Variants in TPM2 observed in about 807,000 individuals in gnomAD.
TPM2 encodes the protein tropomyosin 2.
In TPM2, 26 loss-of-function variants were observed where a neutral mutation model predicts 41.0. The observed-to-expected ratio is 0.63, with a 90% CI of 0.46 to 0.88. TPM2 has a LOEUF of 0.88. Ranked by LOEUF, TPM2 falls within the 40% of genes least tolerant of loss-of-function variation. The pLI, the probability that TPM2 is intolerant of heterozygous loss-of-function variation, is 0.00. For synonymous variants in TPM2, 143 were observed against 139.3 expected, an observed-to-expected ratio of 1.03 and a Z score of -0.19; for missense variants, 187 against 355.2, an observed-to-expected ratio of 0.53 and a Z score of 3.81.
At chr9:35,682,095 G>A (rs746179762), downstream of TPM2, 7 of 1,614,086 alleles carry the variant, frequency 4.3e-6, no homozygotes, top group African/African-American at 1.3e-5. Context: ...AGGTTGTTGA[G>A]TTCCAGCAGG....
chr9:35,683,544 G>C (rs967801334), intron 8 of TPM2, among the ~76,000 whole-genome samples: 19 of 152,230 alleles, frequency 1.2e-4, no homozygotes, highest in African/African-American at 4.6e-4. Context: ...GCTTAGAGGG[G>C]AGAGGGAGGG....
At chr9:35,682,322 T>A, downstream of TPM2, 1 of 966,300 alleles carries the variant, frequency 1.0e-6, no homozygotes, top group Non-Finnish European at 1.6e-6. Context: ...ACAGATGGAC[T>A]GACTAGGATG....
intron 6 of TPM2, 41 bp from the exon 7 acceptor site, chr9:35,684,591 C>T: frequency 6.2e-7 from 1 of 1,613,838 alleles, no homozygotes; most frequent in Non-Finnish European, 8.5e-7. Context: ...AGCGCTACCA[C>T]AGATCCTTCA....
At chr9:35,683,982 CT>C (rs1824725104) in intron 8 of TPM2, 1 of 488,330 alleles carries the variant, frequency 2.0e-6, no homozygotes, top group South Asian at 2.1e-5. Flanking sequence ...TCAGCAATCT[CT>C]TTGGGGCAGA....
intron 2 of TPM2, among the ~76,000 whole-genome samples, chr9:35,686,025 T>G (rs1012853793): frequency 6.6e-6 from 1 of 151,940 alleles, no homozygotes; most frequent in South Asian, 2.1e-4. Flanking sequence ...CCGAGGCGGG[T>G]GGATCACCTG....
downstream of TPM2, chr9:35,682,704 G>A (rs1182205348): frequency 4.6e-6 from 6 of 1,313,670 alleles, no homozygotes; most frequent in African/African-American, 7.5e-5. Context: ...GGCACCAGAG[G>A]CGGTCATGGT....
In TPM2 at chr9:35,685,427, C is replaced by T. The variant is rs758806942; in HGVS notation, c.492+7G>A. 3 of 1,614,222 alleles carry T rather than the reference C, an allele frequency of 1.9e-6. No homozygotes were observed. Among genetic ancestry groups the T allele is most frequent in the Non-Finnish European group, 2.5e-6 (3 of 1,180,030 alleles). On this transcript the variant is annotated splice_region_variant and intron_variant, in intron 4 of 8. Coordinates refer to ENST00000645482, the MANE Select transcript of TPM2 (RefSeq NM_003289.4). The surrounding 1 kb of genome is among the most constrained non-coding windows in gnomAD (Gnocchi z 5.0). The stretch of plus-strand genomic sequence containing the variant: ...GCAGCGAGCAGGCAGAGGGGCAAGG[C>T]TGTCACCTCTTCATATTTGCGGTCT...
chr9:35,682,313 CAGAT>C (rs1326919194), downstream of TPM2: 12 of 985,652 alleles, frequency 1.2e-5, no homozygotes, highest in African/African-American at 1.6e-5. Flanking sequence ...CAGGGACAAA[CAGAT>C]GGACTGACTA....
intron 2 of TPM2, among the ~76,000 whole-genome samples, chr9:35,687,403 A>T (rs950232167): frequency 6.6e-6 from 1 of 152,194 alleles, no homozygotes; most frequent in African/African-American, 2.4e-5. Flanking sequence ...GTCAAAAACA[A>T]GGACACAGAG....
In TPM2 at chr9:35,689,862, ACGGACTGGGCTGGGTGAG is replaced by A; in HGVS notation, c.-63_-46del. 6.2e-7 allele frequency: 1 copy of A among 1,611,776 alleles called. No homozygotes were observed. Among genetic ancestry groups the A allele is most frequent in the Non-Finnish European group, 8.5e-7 (1 of 1,178,898 alleles). The stretch of plus-strand genomic sequence containing the variant: ...CCGGCCGGCAGGCGGTGAGGACCGG[ACGGACTGGGCTGGGTGAG>A]CGGACTGGGTGCACCGGTGGCAGGC... On this transcript the variant is annotated 5_prime_UTR_variant, in exon 1 of 9. Transcript: ENST00000645482.
intron 8 of TPM2, 58 bp downstream of exon 8, chr9:35,684,188 T>C (rs1427203741): frequency 6.4e-7 from 1 of 1,562,940 alleles, no homozygotes. Flanking sequence ...GATGAGAAGG[T>C]ACAGGACAGA....
At chr9:35,682,159 G>A (rs759366561), downstream of TPM2, 2 of 1,614,044 alleles carry the variant, frequency 1.2e-6, no homozygotes, top group Non-Finnish European at 1.7e-6. Flanking sequence ...CACTGGCCAA[G>A]GTCTCTGTGA....
At chr9:35,689,960 G>A, upstream of TPM2, 2 of 1,546,484 alleles carry the variant, frequency 1.3e-6, no homozygotes, top group South Asian at 1.2e-5. Context: ...CTAAAAGGCG[G>A]GGAGGGACCG....
chr9:35,685,407 G>A lies in TPM2; in HGVS notation c.492+27C>T, dbSNP rs139504762. 194 of 1,614,044 alleles carry A rather than the reference G, an allele frequency of 1.2e-4. 1 individual carries two copies. The highest frequency in any genetic ancestry group is 1.5e-4 in the Non-Finnish European group (179 of 1,179,912). On this transcript the variant is annotated intron_variant, in intron 4 of 8. Coordinates refer to ENST00000645482, the MANE Select transcript of TPM2 (RefSeq NM_003289.4). The surrounding 1 kb of genome is among the most constrained non-coding windows in gnomAD (Gnocchi z 5.0). ...CTGGGCATGTTGCAGGCTGGGCAGC[G>A]AGCAGGCAGAGGGGCAAGGCTGTCA...
chr9:35,685,006 A>T lies in TPM2; in HGVS notation c.564-199T>A, dbSNP rs1402685993. ...AGAGCAGCCTGCGGTGCTGAGACGG[A>T]GGGAAGGTGAGCTGAGAGAAGGCGC... On this transcript the variant is annotated intron_variant, in intron 5 of 8. Coordinates refer to ENST00000645482, the MANE Select transcript of TPM2 (RefSeq NM_003289.4). This position sits in a 1 kb window ranked among gnomAD's most constrained non-coding sequence, Gnocchi z 5.0. The T allele has an allele frequency of 4.3e-5, 69 of 1,614,124 alleles. No individual in the cohort carries two copies. Among genetic ancestry groups the T allele is most frequent in the Non-Finnish European group, 5.8e-5 (69 of 1,179,996 alleles).
Position 35,685,908 on chromosome 9 carries a change from G to T in TPM2, c.241-128C>A. 1 of 1,480,392 alleles carries T rather than the reference G, an allele frequency of 6.8e-7. No individual in the cohort carries two copies. The highest frequency in any genetic ancestry group is 9.3e-7 in the Non-Finnish European group (1 of 1,077,414). 91.7% of individuals were successfully genotyped at this position (1,480,392 alleles called of 1,614,324 possible). A position where few individuals can be genotyped will look rare whatever the true frequency, so the allele number is the denominator to read the frequency against. ...TTCCTGGTTTCTAGACATTCTATGT[G>T]ATTTTTCCCCAACCAATCATCTTCT... On this transcript the variant is annotated intron_variant, in intron 2 of 8. Coordinates refer to ENST00000645482, the MANE Select transcript of TPM2 (RefSeq NM_003289.4). The surrounding 1 kb of genome is among the most constrained non-coding windows in gnomAD (Gnocchi z 5.0).
intron 2 of TPM2, 74 bp downstream of exon 2, chr9:35,689,072 C>G: frequency 6.4e-7 from 1 of 1,571,662 alleles, no homozygotes; most frequent in Non-Finnish European, 8.8e-7. Flanking sequence ...TGCCCCAATC[C>G]TCTTATTCCC....
intron 6 of TPM2, 58 bp from the exon 7 acceptor site, chr9:35,684,608 C>G: frequency 6.2e-7 from 1 of 1,613,690 alleles, no homozygotes; most frequent in Non-Finnish European, 8.5e-7. Context: ...TTCATTTCTC[C>G]ATTGTACCCC....
chr9:35,684,869 G>C, intron 5 of TPM2, 62 bp from the exon 6 acceptor site: 1 of 1,613,836 alleles, frequency 6.2e-7, no homozygotes, highest in Non-Finnish European at 8.5e-7. Context: ...AGACAGTGGA[G>C]ATGGCACAGC....
Sources: allele counts gnomAD v4.1 joint callset (sites outside exome capture counted in the v4.1 genomes callset), GRCh38; gene constraint gnomAD v4.1.1; non-coding constraint Gnocchi (gnomAD v3.1); transcripts MANE v1.5; gene names NCBI Gene and HGNC (gene_info 2026-07-23, HGNC 2026-07-21).